MAPK10: variants seen among roughly 807,000 people sequenced by gnomAD.
MAPK10 encodes mitogen-activated protein kinase 10.
MAPK10 carries 25 observed loss-of-function variants against 59.3 expected under a neutral mutation model. The ratio of observed to expected loss-of-function variants is 0.42; its 90% CI spans 0.31 to 0.59. MAPK10 has a LOEUF of 0.59. Ranked by LOEUF, MAPK10 falls within the 20% of genes least tolerant of loss-of-function variation. The pLI, the probability that MAPK10 is intolerant of heterozygous loss-of-function variation, is 0.15. For synonymous variants in MAPK10, 190 were observed against 200.5 expected, an observed-to-expected ratio of 0.95 and a Z score of 0.44; for missense variants, 351 against 568.9, an observed-to-expected ratio of 0.62 and a Z score of 3.90.
At chr4:86,397,864 C>CAAA (rs759585442) in intron 1 of MAPK10, among the ~76,000 whole-genome samples, 26 of 51,754 alleles carry the variant, frequency 5.0e-4, no homozygotes, top group Middle Eastern at 0.032. Context: ...TCTGCTATGG[C>CAAA]AAAAAAAAAA....
At chr4:86,270,937 T>C (rs1184552358) in intron 2 of MAPK10, among the ~76,000 whole-genome samples, 1 of 152,098 alleles carries the variant, frequency 6.6e-6, no homozygotes, top group Non-Finnish European at 1.5e-5. Flanking sequence ...TTTGGGGTTA[T>C]TTTCAGTTCG....
intron 10 of MAPK10, 119 bp from the exon 11 acceptor site, chr4:86,064,509 AAATC>A: frequency 1.1e-6 from 1 of 917,262 alleles, no homozygotes; most frequent in Non-Finnish European, 1.7e-6. Flanking sequence ...AACATCAGGT[AAATC>A]CCTTGATGTG....
intron 1 of MAPK10, among the ~76,000 whole-genome samples, chr4:86,586,695 T>C (rs898042732): frequency 6.6e-6 from 1 of 152,218 alleles, no homozygotes; most frequent in Non-Finnish European, 1.5e-5. Context: ...GGGTAGAGCC[T>C]TGAAGCACCT....
intron 1 of MAPK10, among the ~76,000 whole-genome samples, chr4:86,459,629 T>A (rs749339129): frequency 1.3e-5 from 2 of 148,936 alleles, no homozygotes; most frequent in African/African-American, 2.5e-5. Context: ...CTGGATGAGA[T>A]TGGAGACTAT....
rs1428600479 is a variant in MAPK10 at position 86,470,711 on chromosome 4, A to G, written c.-262-116067T>C. ...AGCCAAAGGGATTCATAACTGTTTA[A>G]TACCAAGGGAAAGAATTGAATGTTA... On this transcript the variant is annotated intron_variant, in intron 1 of 4. Transcript: ENST00000502302. Among the ~76,000 whole-genome samples, 3 of 151,960 alleles carry G rather than the reference A, an allele frequency of 2.0e-5. No individual in the cohort carries two copies. The East Asian group carries it at 5.8e-4, about 29-fold the overall frequency.
At chr4:86,499,915 C>A (rs1002031675) in intron 1 of MAPK10, among the ~76,000 whole-genome samples, 2 of 152,162 alleles carry the variant, frequency 1.3e-5, no homozygotes, top group Non-Finnish European at 2.9e-5. Context: ...CCATCTTGGA[C>A]CACGTGAAAA....
chr4:86,236,333 G>A (rs1290844620), intron 2 of MAPK10, among the ~76,000 whole-genome samples: 1 of 152,170 alleles, frequency 6.6e-6, no homozygotes, highest in Non-Finnish European at 1.5e-5. Flanking sequence ...GGAGGAGGGT[G>A]AGGAAGACAT....
At chr4:86,544,365 C>G (rs1758975901) in intron 1 of MAPK10, among the ~76,000 whole-genome samples, 2 of 152,158 alleles carry the variant, frequency 1.3e-5, no homozygotes, top group South Asian at 4.1e-4. Context: ...GGGAATAAAA[C>G]AATGCTGACT....
chr4:86,231,619 C>G (rs1014383065), intron 2 of MAPK10, among the ~76,000 whole-genome samples: 1 of 151,634 alleles, frequency 6.6e-6, no homozygotes, highest in Non-Finnish European at 1.5e-5. Flanking sequence ...GCTGAGATTG[C>G]GCCACTGCAC....
intron 2 of MAPK10, among the ~76,000 whole-genome samples, chr4:86,308,376 A>G (rs1291840212): frequency 1.3e-5 from 2 of 152,182 alleles, no homozygotes; most frequent in Non-Finnish European, 2.9e-5. Context: ...GCATTATCCT[A>G]TATTTCTGCT....
chr4:86,064,387 C>A lies in MAPK10; in HGVS notation c.989G>T (p.Ser330Ile). 1 of 1,613,066 alleles carries A rather than the reference C, an allele frequency of 6.2e-7. No individual in the cohort carries two copies. Among genetic ancestry groups the A allele is most frequent in the Non-Finnish European group, 8.5e-7 (1 of 1,179,718 alleles). The change falls in exon 11 of 14, where the codon AGC becomes ATC. Residue 330 changes from serine (S) to isoleucine (I), a missense_variant. Around this residue, in one of 5 missense-constraint regions of MAPK10, gnomAD observed 155 missense variants for 204.2 expected, o/e 0.76. Transcript: ENST00000641462. ...ADSEHNKLKA[S>I]QARDLLSKML... ...CTTTGACAACAAGTCCCTGGCTTGG[C>A]TGGCTGAAACAATAAATGAGAAAAA...
intron 1 of MAPK10, among the ~76,000 whole-genome samples, chr4:86,589,353 C>T (rs1027359192): frequency 6.6e-6 from 1 of 152,140 alleles, no homozygotes; most frequent in Admixed American, 6.5e-5. Context: ...ACTTGTACCA[C>T]TTATCTGGAA....
At chr4:86,285,649 G>A (rs746209376) in intron 2 of MAPK10, among the ~76,000 whole-genome samples, 6 of 152,084 alleles carry the variant, frequency 3.9e-5, no homozygotes, top group Admixed American at 3.9e-4. Context: ...CATCTATATA[G>A]TTACCGTATT....
intron 11 of MAPK10, among the ~76,000 whole-genome samples, chr4:86,053,721 T>C (rs1345459980): frequency 1.3e-5 from 2 of 152,182 alleles, no homozygotes; most frequent in East Asian, 1.9e-4. Flanking sequence ...CCTATGCAGA[T>C]GACACGTTGG....
At chr4:86,499,926 C>A (rs1486094555) in intron 1 of MAPK10, among the ~76,000 whole-genome samples, 2 of 152,166 alleles carry the variant, frequency 1.3e-5, no homozygotes, top group Non-Finnish European at 2.9e-5. Flanking sequence ...CACGTGAAAA[C>A]CTTGGGGATG....
chr4:86,478,400 C>T (rs1421563149), intron 1 of MAPK10, among the ~76,000 whole-genome samples: 1 of 152,198 alleles, frequency 6.6e-6, no homozygotes, highest in Non-Finnish European at 1.5e-5. Context: ...ATCCAAACAA[C>T]TTGACCTTAC....
Position 86,061,602 on chromosome 4 carries a change from T to A in MAPK10, c.1110+2664A>T, listed in dbSNP as rs369028636. 2.0e-5 allele frequency among the ~76,000 whole-genome samples: 3 copies of A among 152,164 alleles called. No individual in the cohort carries two copies. The East Asian group carries it at 5.8e-4, about 29-fold the overall frequency. On this transcript the variant is annotated intron_variant, in intron 11 of 13. Transcript: ENST00000641462. ...TACTTTGGTAGTTTGGGAAACATGA[T>A]AAGATAGCTCGTAGTATAACTAATA... is the stretch of plus-strand genomic sequence containing the variant.
At chr4:86,286,827 C>A (rs975300052) in intron 2 of MAPK10, among the ~76,000 whole-genome samples, 2 of 152,162 alleles carry the variant, frequency 1.3e-5, no homozygotes, top group South Asian at 2.1e-4. Context: ...GTCTGAATAA[C>A]CCTGTTAGTT....
At chr4:86,396,290 T>A (rs1304234126) in intron 1 of MAPK10, among the ~76,000 whole-genome samples, 1 of 152,106 alleles carries the variant, frequency 6.6e-6, no homozygotes, top group Non-Finnish European at 1.5e-5. Context: ...GAGCTTGCAG[T>A]GAGCCGAGAT....
Sources: allele counts gnomAD v4.1 joint callset (sites outside exome capture counted in the v4.1 genomes callset), GRCh38; gene constraint gnomAD v4.1.1; regional missense constraint gnomAD v4.1.1; transcripts MANE v1.5; gene names NCBI Gene and HGNC (gene_info 2026-07-23, HGNC 2026-07-21).